Variants in SRL observed in about 807,000 individuals in gnomAD.
SRL encodes the protein sarcalumenin.
SRL carries 23 observed loss-of-function variants against 39.5 expected under a neutral mutation model. That is an observed-to-expected ratio of 0.58 (90% confidence interval 0.42 to 0.82). The LOEUF is 0.82. Ranked by LOEUF, SRL falls within the 40% of genes least tolerant of loss-of-function variation. The pLI, the probability that SRL is intolerant of heterozygous loss-of-function variation, is 0.00. For missense variants in SRL, 592 were observed against 607.8 expected (o/e 0.97, Z 0.27); for synonymous variants, 272 against 237.4 (o/e 1.15, Z -1.34).
intron 1 of SRL, among the ~76,000 whole-genome samples, chr16:4,234,929 A>C (rs1005876569): frequency 1.3e-5 from 2 of 152,220 alleles, no homozygotes; most frequent in African/African-American, 4.8e-5. Flanking sequence ...TCCATCTTAG[A>C]GATATCTTCC....
chr16:4,204,406 TAGATACAGCCCCGGCCTCCA>T (rs1555454446), intron 2 of SRL, 107 bp downstream of exon 2: 5 of 588,314 alleles, frequency 8.5e-6, no homozygotes, highest in Non-Finnish European at 1.2e-5. Context: ...GCCTCCAAGA[TAGATACAGCCCCGGCCTCCA>T]AGATACAGCC....
At chr16:4,235,858 G>A (rs1257083354) in intron 1 of SRL, among the ~76,000 whole-genome samples, 3 of 152,212 alleles carry the variant, frequency 2.0e-5, no homozygotes, top group Non-Finnish European at 4.4e-5. Flanking sequence ...GGAGGCCGAG[G>A]TGAGCGGATC....
At chr16:4,199,621 T>C (rs2052195368) in intron 3 of SRL, among the ~76,000 whole-genome samples, 1 of 151,608 alleles carries the variant, frequency 6.6e-6, no homozygotes. Flanking sequence ...TCCACCCACC[T>C]TGGCCTCCCA....
intron 3 of SRL, among the ~76,000 whole-genome samples, chr16:4,202,855 G>T (rs1441551987): frequency 2.6e-5 from 4 of 152,140 alleles, no homozygotes; most frequent in Admixed American, 2.6e-4. Flanking sequence ...ATTGAAATAG[G>T]CATCATCGCC....
Position 4,190,582 on chromosome 16 carries a change from C to A in SRL, c.*1571G>T. On this transcript the variant is annotated 3_prime_UTR_variant, in exon 6 of 6. Transcript: ENST00000399609. ...TGTGGAGCCGTGCATGCTAGCCTTG[C>A]AAGACTGTTACAAGTTCTCTACTCC... 1 of 397,990 alleles carries A rather than the reference C, an allele frequency of 2.5e-6. No homozygotes were observed. Among genetic ancestry groups the A allele is most frequent in the Non-Finnish European group, 4.4e-6 (1 of 226,108 alleles). The allele number at this position is 397,990 out of a possible 1,614,324, so 24.7% of individuals were successfully genotyped here.
intron 1 of SRL, among the ~76,000 whole-genome samples, chr16:4,233,461 G>A (rs2052679737): frequency 6.6e-6 from 1 of 152,136 alleles, no homozygotes; most frequent in Non-Finnish European, 1.5e-5. Flanking sequence ...TCCAGCAATT[G>A]TCCCCTCCCT....
chr16:4,234,601 G>C (rs2052695854), intron 1 of SRL, among the ~76,000 whole-genome samples: 1 of 152,220 alleles, frequency 6.6e-6, no homozygotes, highest in Admixed American at 6.5e-5. Context: ...TCGAGGAAAT[G>C]AATCAGTCTC....
At chr16:4,207,310 C>T (rs764665315) in intron 1 of SRL, 109 of 456,742 alleles carry the variant, frequency 2.4e-4, no homozygotes, top group African/African-American at 1.7e-3. Flanking sequence ...CCTGCCTTAA[C>T]GCTTTGGGCG....
Position 4,192,411 on chromosome 16 carries a change from G to T in SRL, c.1164C>A (p.Thr388=). Reference sequence around the variant, plus strand: ...TGGGAAGGTCAAATTTGCTGACATTGGTCTTTGCCAGGATGGTCTTGAAGA... The same window carrying T: ...TGGGAAGGTCAAATTTGCTGACATTTGTCTTTGCCAGGATGGTCTTGAAGA... ...FYIFKTILAK[T]NVSKFDLPNR... The change falls in exon 6 of 6, where the codon ACC becomes ACA. Residue 388 remains threonine (T), a synonymous_variant. Coordinates refer to ENST00000399609, the MANE Select transcript of SRL (RefSeq NM_001098814.2). This position sits in a 1 kb window ranked among gnomAD's most constrained non-coding sequence, Gnocchi z 4.0. 1.2e-6 allele frequency: 2 copies of T among 1,614,174 alleles called. No individual in the cohort carries two copies. The highest frequency in any genetic ancestry group is 1.7e-6 in the Non-Finnish European group (2 of 1,180,042).
At chr16:4,233,206 C>T (rs1264237820) in intron 1 of SRL, among the ~76,000 whole-genome samples, 2 of 152,190 alleles carry the variant, frequency 1.3e-5, no homozygotes, top group East Asian at 1.9e-4. Context: ...TAATCTCCCC[C>T]GAACACGAGC....
chr16:4,229,381 C>T (rs940239021), intron 1 of SRL, among the ~76,000 whole-genome samples: 7 of 151,868 alleles, frequency 4.6e-5, no homozygotes, highest in African/African-American at 1.2e-4. Context: ...ACCCAGGAGG[C>T]GGAGCTTGCA....
At chr16:4,205,202 A>G (rs910296727) in intron 1 of SRL, among the ~76,000 whole-genome samples, 3 of 152,138 alleles carry the variant, frequency 2.0e-5, no homozygotes. Context: ...CCATAGTCTC[A>G]GCTCAGGAAG....
chr16:4,206,186 G>A (rs1473102809), intron 1 of SRL, among the ~76,000 whole-genome samples: 3 of 152,084 alleles, frequency 2.0e-5, no homozygotes, highest in Admixed American at 6.5e-5. Flanking sequence ...CCCTTTGAGG[G>A]CAGCTTTGGC....
chr16:4,234,111 C>T lies in SRL; in HGVS notation c.61+7896G>A, dbSNP rs141732840. ...CTAGGCTCAAGCCATCCTTCCACCT[C>T]AGCCCCCTGAGTAGCTGAGACCACA... is the stretch of plus-strand genomic sequence containing the variant. On this transcript the variant is annotated intron_variant, in intron 1 of 5. Coordinates refer to ENST00000399609, the MANE Select transcript of SRL (RefSeq NM_001098814.2). Among the ~76,000 whole-genome samples, 368 of 152,238 alleles carry T rather than the reference C, an allele frequency of 2.4e-3. 5 individuals carry two copies. The highest frequency in any genetic ancestry group is 8.2e-3 in the African/African-American group (342 of 41,530).
At position 4,192,588 on chromosome 16, in the gene SRL, C is replaced by T. The variant is rs758892381; in HGVS notation, c.987G>A (p.Lys329=). 6.8e-6 allele frequency: 11 copies of T among 1,614,178 alleles called. No individual in the cohort carries two copies. The highest frequency in any genetic ancestry group is 2.2e-5 in the East Asian group (1 of 44,888). The change falls in exon 6 of 6, where the codon AAG becomes AAA. Residue 329 remains lysine (K), a synonymous_variant. Transcript: ENST00000399609. This position sits in a 1 kb window ranked among gnomAD's most constrained non-coding sequence, Gnocchi z 4.0. The stretch of plus-strand genomic sequence containing the variant: ...TGGCGTGCTGGCGGATGAAGGCAAT[C>T]TTGTTCTCCAGTCTGTTCTCGATCA... ...NQVIENRLEN[K]IAFIRQHAIR... is the part of the protein sequence containing the mutation.
chr16:4,241,899 AG>A, intron 1 of SRL, 107 bp downstream of exon 1: 1 of 1,178,560 alleles, frequency 8.5e-7, no homozygotes, highest in Non-Finnish European at 1.2e-6. Context: ...GCCAAGAGCC[AG>A]GGTTTGCCAT....
chr16:4,207,471 G>A (rs1481453641), intron 1 of SRL: 1 of 456,706 alleles, frequency 2.2e-6, no homozygotes, highest in Non-Finnish European at 4.4e-6. Flanking sequence ...CTCCTCGCCA[G>A]GCCCAGGGCT....
Position 4,192,703 on chromosome 16 carries a change from C to G in SRL, c.872G>C (p.Ser291Thr), listed in dbSNP as rs2052083959. 1 of 1,614,152 alleles carries G rather than the reference C, an allele frequency of 6.2e-7. No individual in the cohort carries two copies. The highest frequency in any genetic ancestry group is 1.3e-5 in the African/African-American group (1 of 75,034). Residue 291 changes from serine (S) to threonine (T), a missense_variant, in exon 6 of 6, where the codon AGC becomes ACC. Ser to Thr is a moderately conservative substitution (Grantham distance 58). Coordinates refer to ENST00000399609, the MANE Select transcript of SRL (RefSeq NM_001098814.2). The surrounding 1 kb of genome is among the most constrained non-coding windows in gnomAD (Gnocchi z 4.0). ...NVTEPPRVYV[S>T]SFWPQEYKPD... Reference sequence around the variant, plus strand: ...CTTATACTCTTGTGGCCAGAAGGAGCTGACGTAAACCCTTGGGGGCTCTGT... The same window carrying G: ...CTTATACTCTTGTGGCCAGAAGGAGGTGACGTAAACCCTTGGGGGCTCTGT...
chr16:4,216,466 T>C (rs879821048), intron 1 of SRL, among the ~76,000 whole-genome samples: 1 of 151,960 alleles, frequency 6.6e-6, no homozygotes, highest in Non-Finnish European at 1.5e-5. Context: ...GAGATGGGGT[T>C]TCACCACGTT....
Sources: allele counts gnomAD v4.1 joint callset (sites outside exome capture counted in the v4.1 genomes callset), GRCh38; gene constraint gnomAD v4.1.1; non-coding constraint Gnocchi (gnomAD v3.1); transcripts MANE v1.5; gene names NCBI Gene and HGNC (gene_info 2026-07-23, HGNC 2026-07-21).